The following SS18 variants were observed in gnomAD, a reference collection of about 807,000 sequenced individuals.
SS18 encodes SS18 subunit of BAF chromatin remodeling complex, also known as protein SSXT.
A neutral mutation model predicts 72.5 loss-of-function variants in SS18; 28 were observed. That is an observed-to-expected ratio of 0.39 (90% confidence interval 0.29 to 0.53). The LOEUF is 0.53. SS18 is among the 20% of genes least tolerant of loss of function. The pLI, the probability that SS18 is intolerant of heterozygous loss-of-function variation, is 0.76. For synonymous variants in SS18, 172 were observed against 164.2 expected (o/e 1.05, Z -0.37); for missense variants, 518 against 535.3 (o/e 0.97, Z 0.32).
upstream of SS18, chr18:26,091,014 G>C (rs148641944): frequency 1.4e-5 from 3 of 212,936 alleles, no homozygotes; most frequent in Non-Finnish European, 2.8e-5. Flanking sequence ...CTCCCTCTCC[G>C]GCCCTCTGAA....
chr18:26,078,213 C>A, intron 2 of SS18, 53 bp from the exon 3 acceptor site: 3 of 1,317,238 alleles, frequency 2.3e-6, no homozygotes, highest in South Asian at 1.2e-5. Flanking sequence ...TTCCTACCTG[C>A]CTAAGTACAA....
intron 5 of SS18, among the ~76,000 whole-genome samples, chr18:26,048,819 T>G (rs1349544302): frequency 3.3e-5 from 5 of 152,210 alleles, no homozygotes; most frequent in African/African-American, 9.6e-5. Flanking sequence ...ATAAATTAGA[T>G]GCTGTGGCTA....
intron 5 of SS18, among the ~76,000 whole-genome samples, chr18:26,047,716 A>G (rs935463436): frequency 1.4e-4 from 22 of 152,158 alleles, no homozygotes; most frequent in African/African-American, 5.1e-4. Context: ...GGTGGCGGGC[A>G]CCTGTAGTCC....
chr18:26,026,273 A>C (rs2053446042), intron 10 of SS18, among the ~76,000 whole-genome samples: 1 of 152,202 alleles, frequency 6.6e-6, no homozygotes. Context: ...ATTTTAGCTA[A>C]TCAACCCAAT....
In SS18 at chr18:26,072,657, C is replaced by T. The variant is rs139796749; in HGVS notation, c.231+5419G>A. On this transcript the variant is annotated intron_variant, in intron 3 of 10. Coordinates refer to ENST00000415083, the MANE Select transcript of SS18 (RefSeq NM_001007559.3). ...TTAAAAATACAAAAAATTAGCCAGG[C>T]GTAGTGGCGGGCGCCTGTAGTCCCA... Among the ~76,000 whole-genome samples, 1,038 of 151,758 alleles carry T rather than the reference C, an allele frequency of 6.8e-3. 9 individuals carry two copies. The highest frequency in any genetic ancestry group is 0.024 in the African/African-American group (979 of 41,424).
rs1002776937 is a variant in SS18 at position 26,073,467 on chromosome 18, T to A, written c.231+4609A>T. ...CAGAAATTAATCATAAACAAAAACA[T>A]ACATGAGGTGCCCAAGGGCAAAACT... On this transcript the variant is annotated intron_variant, in intron 3 of 10. Coordinates refer to ENST00000415083, the MANE Select transcript of SS18 (RefSeq NM_001007559.3). 2.0e-5 allele frequency among the ~76,000 whole-genome samples: 3 copies of A among 152,122 alleles called. No homozygotes were observed. In the East Asian group the frequency reaches 5.8e-4, roughly 29 times the overall value.
In SS18 at chr18:26,018,097, A is replaced by G. The variant is rs1313209093; in HGVS notation, c.*257T>C. Reference sequence around the variant, plus strand: ...GAAACACAGTTCCAAAATCATTACAAATTGGTTATGTCATTGCATTTTCTG... The same window carrying G: ...GAAACACAGTTCCAAAATCATTACAGATTGGTTATGTCATTGCATTTTCTG... On this transcript the variant is annotated 3_prime_UTR_variant, in exon 11 of 11. Transcript: ENST00000415083. 8.3e-6 allele frequency: 3 copies of G among 363,420 alleles called. No individual in the cohort carries two copies. The highest frequency in any genetic ancestry group is 1.5e-5 in the Non-Finnish European group (3 of 200,450). 22.5% of individuals were successfully genotyped at this position (363,420 alleles called of 1,614,324 possible).
At chr18:26,055,336 G>A (rs985114911) in intron 4 of SS18, among the ~76,000 whole-genome samples, 4 of 151,776 alleles carry the variant, frequency 2.6e-5, no homozygotes, top group Non-Finnish European at 4.4e-5. Context: ...GTGTGGTGGT[G>A]TGCGCCTGTA....
Position 26,018,313 on chromosome 18 carries a change from G to T in SS18, c.*41C>A. 6.4e-7 allele frequency: 1 copy of T among 1,566,916 alleles called. No homozygotes were observed. Among genetic ancestry groups the T allele is most frequent in the South Asian group, 1.1e-5 (1 of 89,468 alleles). Reference sequence around the variant, plus strand: ...GTCCACAGTGCTGAGGTGACAATATGGCTGCTAATAGATACTGGCTACTGG... The same window carrying T: ...GTCCACAGTGCTGAGGTGACAATATTGCTGCTAATAGATACTGGCTACTGG... On this transcript the variant is annotated 3_prime_UTR_variant, in exon 11 of 11. Coordinates refer to ENST00000415083, the MANE Select transcript of SS18 (RefSeq NM_001007559.3).
intron 3 of SS18, among the ~76,000 whole-genome samples, chr18:26,077,533 C>A (rs2054438349): frequency 6.6e-6 from 1 of 152,168 alleles, no homozygotes; most frequent in South Asian, 2.1e-4. Context: ...CTACGTGTAC[C>A]TTGTTTGGAT....
At chr18:26,057,508 A>T (rs2054042591) in intron 4 of SS18, 81 bp downstream of exon 4, 1 of 1,551,842 alleles carries the variant, frequency 6.4e-7, no homozygotes, top group Non-Finnish European at 8.9e-7. Flanking sequence ...TGTCATCAAC[A>T]ATCTAGTATC....
chr18:26,090,362 C>T lies in SS18; in HGVS notation c.69+139G>A, dbSNP rs2054700612. On this transcript the variant is annotated intron_variant, in intron 1 of 10. Coordinates refer to ENST00000415083, the MANE Select transcript of SS18 (RefSeq NM_001007559.3). ...ACCCACTCAGGCACAGCCAGCAGTC[C>T]GTGTTCCCAAACACTGCTGATTCCC... 7.5e-6 allele frequency: 6 copies of T among 804,982 alleles called. No homozygotes were observed. In the Admixed American group the frequency reaches 7.5e-5, roughly 10 times the overall value. The allele number at this position is 804,982 out of a possible 1,614,324, so 49.9% of individuals were successfully genotyped here.
intron 3 of SS18, among the ~76,000 whole-genome samples, chr18:26,066,664 CTT>C (rs1259721507): frequency 2.6e-5 from 4 of 151,876 alleles, no homozygotes; most frequent in African/African-American, 4.8e-5. Context: ...TATCCAATCT[CTT>C]TACCTATCTG....
At chr18:26,061,203 T>C (rs1046977936) in intron 3 of SS18, among the ~76,000 whole-genome samples, 1 of 151,070 alleles carries the variant, frequency 6.6e-6, no homozygotes, top group Non-Finnish European at 1.5e-5. Flanking sequence ...GGCCCAGCTA[T>C]TAGAGAGGCT....
intron 9 of SS18, among the ~76,000 whole-genome samples, chr18:26,034,658 T>G (rs2053597815): frequency 6.6e-6 from 1 of 152,022 alleles, no homozygotes; most frequent in Non-Finnish European, 1.5e-5. Context: ...ATAAATTTGC[T>G]AAGCAGATTA....
chr18:26,078,378 A>AT (rs1361290617), intron 2 of SS18: 1 of 392,772 alleles, frequency 2.5e-6, no homozygotes, highest in East Asian at 4.3e-5. Context: ...TAGTGTTATA[A>AT]TTTTTTATAT....
intron 9 of SS18, 36 bp from the exon 10 acceptor site, chr18:26,032,568 A>T (rs773560125): frequency 2.5e-6 from 4 of 1,609,314 alleles, no homozygotes; most frequent in Non-Finnish European, 3.4e-6. Flanking sequence ...CCCACATAAA[A>T]AGGTAAGTCC....
At chr18:26,063,351 C>T (rs1379139785) in intron 3 of SS18, among the ~76,000 whole-genome samples, 2 of 152,078 alleles carry the variant, frequency 1.3e-5, no homozygotes, top group East Asian at 3.9e-4. Flanking sequence ...AACCCTGCCT[C>T]TACTAAAAAT....
At chr18:26,030,415 A>G (rs1481743729) in intron 10 of SS18, among the ~76,000 whole-genome samples, 1 of 152,236 alleles carries the variant, frequency 6.6e-6, no homozygotes, top group African/African-American at 2.4e-5. Context: ...CATAAATCTT[A>G]GCTTTCCTTA....
Sources: gnomAD v4.1 joint callset for allele counts (sites outside exome capture counted in the v4.1 genomes callset) on GRCh38, gnomAD v4.1.1 for gene constraint, MANE v1.5 for transcripts, NCBI Gene and HGNC (gene_info 2026-07-23, HGNC 2026-07-21) for gene names.